TMEM117: variants seen among roughly 807,000 people sequenced by gnomAD.
TMEM117 encodes transmembrane protein 117.
TMEM117 carries 27 observed loss-of-function variants against 52.4 expected under a neutral mutation model. That is an observed-to-expected ratio of 0.51 (90% confidence interval 0.38 to 0.71). TMEM117 has a LOEUF of 0.71. Ranked by LOEUF, TMEM117 falls within the 30% of genes least tolerant of loss-of-function variation. The pLI, the probability that TMEM117 is intolerant of heterozygous loss-of-function variation, is 0.00. For missense variants in TMEM117, 556 were observed against 630.5 expected, an observed-to-expected ratio of 0.88 and a Z score of 1.26; for synonymous variants, 215 against 206.3, an observed-to-expected ratio of 1.04 and a Z score of -0.36.
chr12:44,142,493 A>T (rs1948584764), intron 3 of TMEM117, among the ~76,000 whole-genome samples: 2 of 152,208 alleles, frequency 1.3e-5, no homozygotes, highest in Non-Finnish European at 1.5e-5. Flanking sequence ...AATTGGAGAT[A>T]GTTTACCTCT....
At chr12:44,196,057 A>G (rs1949416184) in intron 4 of TMEM117, among the ~76,000 whole-genome samples, 1 of 152,122 alleles carries the variant, frequency 6.6e-6, no homozygotes, top group South Asian at 2.1e-4. Flanking sequence ...ACTGCACTCC[A>G]GCCTGGGCAA....
intron 3 of TMEM117, among the ~76,000 whole-genome samples, chr12:44,062,158 A>G (rs1947149858): frequency 6.6e-6 from 1 of 152,228 alleles, no homozygotes; most frequent in Admixed American, 6.5e-5. Context: ...TGACTGAACA[A>G]TGAATAAAAT....
intron 2 of TMEM117, among the ~76,000 whole-genome samples, chr12:43,860,477 T>C (rs886325510): frequency 3.9e-5 from 6 of 152,122 alleles, no homozygotes; most frequent in Admixed American, 2.0e-4. Context: ...CTGTGGTGAA[T>C]AATAAAGCAG....
chr12:43,814,125 A>G, the TMEM117 span, among the ~76,000 whole-genome samples: 6 of 152,280 alleles, frequency 3.9e-5, no homozygotes, highest in South Asian at 1.2e-3. Context: ...TGTAATTTTC[A>G]TTAAAAAAAT....
At chr12:44,063,713 C>T (rs978070960) in intron 3 of TMEM117, among the ~76,000 whole-genome samples, 8 of 147,726 alleles carry the variant, frequency 5.4e-5, no homozygotes, top group South Asian at 4.3e-4. Flanking sequence ...TGAGAACATG[C>T]GACGTTTGGT....
At chr12:43,875,241 G>A (rs1452643050) in intron 2 of TMEM117, among the ~76,000 whole-genome samples, 2 of 151,848 alleles carry the variant, frequency 1.3e-5, no homozygotes. Context: ...GTGTGTGTGT[G>A]TGTGTGTGTG....
chr12:44,107,247 TG>T lies in TMEM117; in HGVS notation c.411-36274del, dbSNP rs1947972427. 2.0e-5 allele frequency among the ~76,000 whole-genome samples: 3 copies of T among 152,238 alleles called. No homozygotes were observed. The South Asian group carries it at 6.2e-4, about 32-fold the overall frequency. On this transcript the variant is annotated intron_variant, in intron 3 of 7. Coordinates refer to ENST00000266534, the MANE Select transcript of TMEM117 (RefSeq NM_032256.3). The stretch of plus-strand genomic sequence containing the variant: ...CTTATTTCCCAGGGTTAGTAAGATA[TG>T]GGGCAAGGATTTGAACCTAGCCTCC...
upstream of TMEM117, among the ~76,000 whole-genome samples, chr12:43,833,772 G>C (rs571293695): frequency 7.6e-4 from 116 of 151,852 alleles, 2 homozygotes; most frequent in African/African-American, 2.8e-3. Flanking sequence ...CTGGGTGACA[G>C]AGCAAGACTC....
intron 1 of TMEM117, among the ~76,000 whole-genome samples, chr12:43,838,834 C>G (rs1193128766): frequency 6.6e-6 from 1 of 151,972 alleles, no homozygotes; most frequent in Non-Finnish European, 1.5e-5. Context: ...ATTTCTGTTT[C>G]TTCACTGGTA....
chr12:43,867,940 T>G (rs1269906769), intron 2 of TMEM117, among the ~76,000 whole-genome samples: 2 of 152,124 alleles, frequency 1.3e-5, no homozygotes, highest in East Asian at 3.9e-4. Flanking sequence ...TCACAGAACA[T>G]TACTCCAGAA....
intron 2 of TMEM117, among the ~76,000 whole-genome samples, chr12:43,907,638 G>C (rs1944416765): frequency 6.7e-6 from 1 of 150,204 alleles, no homozygotes; most frequent in Non-Finnish European, 1.5e-5. Flanking sequence ...AACCAATACA[G>C]AGAAGTGCTT....
chr12:44,203,074 G>T lies in TMEM117; in HGVS notation c.511-8216G>T, dbSNP rs531631983. 4.0e-5 allele frequency among the ~76,000 whole-genome samples: 6 copies of T among 151,562 alleles called. No individual in the cohort carries two copies. The East Asian group carries it at 1.2e-3, about 29-fold the overall frequency. On this transcript the variant is annotated intron_variant, in intron 4 of 7. Transcript: ENST00000266534. ...CCTCCCAAAATGCTGGGATTACAGG[G>T]GTGAGCCACCACACATGGCCTTTGT... is the stretch of plus-strand genomic sequence containing the variant.
At chr12:43,987,918 A>G (rs1945874649) in intron 3 of TMEM117, among the ~76,000 whole-genome samples, 2 of 152,262 alleles carry the variant, frequency 1.3e-5, no homozygotes, top group South Asian at 4.1e-4. Flanking sequence ...TGAATGTTTG[A>G]AGATGGGGTG....
chr12:44,049,936 T>G (rs1041182869), intron 3 of TMEM117, among the ~76,000 whole-genome samples: 2 of 152,176 alleles, frequency 1.3e-5, no homozygotes, highest in Non-Finnish European at 2.9e-5. Flanking sequence ...GTAATAAAGT[T>G]TTATTTTATT....
intron 5 of TMEM117, among the ~76,000 whole-genome samples, chr12:44,259,557 C>T (rs191890572): frequency 6.6e-5 from 10 of 152,018 alleles, no homozygotes; most frequent in Non-Finnish European, 1.2e-4. Flanking sequence ...ATGGTCATTA[C>T]GATAATTGTC....
At chr12:43,912,874 A>G (rs1944537862) in intron 2 of TMEM117, among the ~76,000 whole-genome samples, 1 of 152,134 alleles carries the variant, frequency 6.6e-6, no homozygotes, top group East Asian at 1.9e-4. Context: ...TCTGTCTGCC[A>G]TGTTTTTGCA....
rs140055534 is a variant in TMEM117 at position 44,020,459 on chromosome 12, G to A, written c.410+76117G>A. On this transcript the variant is annotated intron_variant, in intron 3 of 7. Coordinates refer to ENST00000266534, the MANE Select transcript of TMEM117 (RefSeq NM_032256.3). ...TTTGAGCCAAGATTCCTGACTTCTCGTGTATTGTTACTGTCATCTACTTTT... is the reference window on the plus strand; with the variant it reads ...TTTGAGCCAAGATTCCTGACTTCTCATGTATTGTTACTGTCATCTACTTTT... Among the ~76,000 whole-genome samples the A allele has an allele frequency of 6.1e-4, 93 of 152,256 alleles. 1 individual carries two copies. Among genetic ancestry groups the A allele is most frequent in the Middle Eastern group, 6.8e-3 (2 of 294 alleles).
chr12:43,947,100 G>T (rs1361385621), intron 3 of TMEM117, among the ~76,000 whole-genome samples: 2 of 152,208 alleles, frequency 1.3e-5, no homozygotes, highest in African/African-American at 4.8e-5. Flanking sequence ...TTGGGAGGCT[G>T]AGGCAGCAGG....
At chr12:44,117,602 G>A (rs999499051) in intron 3 of TMEM117, among the ~76,000 whole-genome samples, 6 of 152,048 alleles carry the variant, frequency 3.9e-5, no homozygotes, top group Non-Finnish European at 8.8e-5. Flanking sequence ...AAGTCATCAG[G>A]GGTTTTGAGA....
Sources: allele counts gnomAD v4.1 joint callset (sites outside exome capture counted in the v4.1 genomes callset), GRCh38; gene constraint gnomAD v4.1.1; transcripts MANE v1.5; gene names NCBI Gene and HGNC (gene_info 2026-07-23, HGNC 2026-07-21).